Variants in ADAMTS16 observed in about 807,000 individuals in gnomAD.
ADAMTS16 encodes A disintegrin and metalloproteinase with thrombospondin motifs 16.
Under a neutral mutation model 145.8 loss-of-function variants are expected in ADAMTS16, and 94 were observed. The ratio of observed to expected loss-of-function variants is 0.64; its 90% CI spans 0.55 to 0.77. The LOEUF (loss-of-function observed/expected upper bound fraction) is 0.77, where lower values mean the gene tolerates loss of function less well. Among genes scored for constraint, ADAMTS16 ranks in the 30% least tolerant of loss-of-function variants. The pLI is 0.00. For missense variants in ADAMTS16, 1,585 were observed against 1,591.5 expected, an observed-to-expected ratio of 1.00 and a Z score of 0.07; for synonymous variants, 659 against 604.3, an observed-to-expected ratio of 1.09 and a Z score of -1.33.
At chr5:5,194,743 G>A (rs1735754540) in intron 8 of ADAMTS16, among the ~76,000 whole-genome samples, 1 of 152,124 alleles carries the variant, frequency 6.6e-6, no homozygotes, top group Admixed American at 6.5e-5. Context: ...TTGATGCATG[G>A]AGCAAACATC....
intron 18 of ADAMTS16, among the ~76,000 whole-genome samples, chr5:5,273,511 G>T (rs1311723021): frequency 6.6e-6 from 1 of 152,206 alleles, no homozygotes; most frequent in Admixed American, 6.5e-5. Context: ...GTGAAAACCT[G>T]TCTCAATAAA....
At chr5:5,229,304 CAA>C (rs1195176050) in intron 11 of ADAMTS16, among the ~76,000 whole-genome samples, 6 of 75,514 alleles carry the variant, frequency 7.9e-5, no homozygotes, top group South Asian at 5.2e-4. Flanking sequence ...GACTCCGTCT[CAA>C]AAAAAAAAAA....
At chr5:5,316,322 C>T (rs766919542) in intron 21 of ADAMTS16, among the ~76,000 whole-genome samples, 1 of 152,136 alleles carries the variant, frequency 6.6e-6, no homozygotes, top group Non-Finnish European at 1.5e-5. Context: ...GTTTTTTTCA[C>T]CCACCATGCA....
At chr5:5,287,470 C>T (rs1739144897) in intron 18 of ADAMTS16, among the ~76,000 whole-genome samples, 1 of 152,184 alleles carries the variant, frequency 6.6e-6, no homozygotes, top group Admixed American at 6.5e-5. Flanking sequence ...TCATATGCCT[C>T]ATCATTCAGT....
chr5:5,283,953 G>A, intron 18 of ADAMTS16, among the ~76,000 whole-genome samples: 1 of 152,146 alleles, frequency 6.6e-6, no homozygotes, highest in East Asian at 1.9e-4. Flanking sequence ...CATAAGATTG[G>A]TCTATGATAT....
chr5:5,182,403 G>A, intron 4 of ADAMTS16, 98 bp downstream of exon 4: 1 of 1,471,708 alleles, frequency 6.8e-7, no homozygotes, highest in Non-Finnish European at 9.1e-7. Context: ...TCTGCCCACG[G>A]GGTGAAATCT....
intron 3 of ADAMTS16, among the ~76,000 whole-genome samples, chr5:5,180,628 A>G (rs1274837604): frequency 6.6e-6 from 1 of 152,082 alleles, no homozygotes; most frequent in Admixed American, 6.5e-5. Flanking sequence ...TAGATACACA[A>G]TTTTTAAAAT....
intron 18 of ADAMTS16, among the ~76,000 whole-genome samples, chr5:5,289,082 C>G (rs1739206741): frequency 6.6e-6 from 1 of 152,188 alleles, no homozygotes; most frequent in South Asian, 2.1e-4. Context: ...AGCTGGGCTT[C>G]CTGGGTGTAA....
intron 7 of ADAMTS16, among the ~76,000 whole-genome samples, chr5:5,190,918 T>C (rs1163584762): frequency 6.6e-6 from 1 of 152,092 alleles, no homozygotes; most frequent in Non-Finnish European, 1.5e-5. Flanking sequence ...AAATTGTGTG[T>C]ACAAACAGTG....
intron 2 of ADAMTS16, 66 bp downstream of exon 2, chr5:5,140,832 G>A (rs1734144297): frequency 7.1e-7 from 1 of 1,406,184 alleles, no homozygotes; most frequent in African/African-American, 1.5e-5. Flanking sequence ...CGTGCCGCTG[G>A]TTTATTAGGT....
chr5:5,168,111 A>T (rs1734931228), intron 3 of ADAMTS16, among the ~76,000 whole-genome samples: 1 of 152,190 alleles, frequency 6.6e-6, no homozygotes, highest in Non-Finnish European at 1.5e-5. Flanking sequence ...CAAATGCAAC[A>T]ACAAATTCAC....
intron 4 of ADAMTS16, among the ~76,000 whole-genome samples, chr5:5,185,308 G>C (rs1735467249): frequency 6.6e-6 from 1 of 152,100 alleles, no homozygotes; most frequent in Admixed American, 6.5e-5. Flanking sequence ...TAAATATCTG[G>C]GCTTTTTGAA....
At chr5:5,163,565 G>A (rs985421262) in intron 3 of ADAMTS16, among the ~76,000 whole-genome samples, 1 of 152,204 alleles carries the variant, frequency 6.6e-6, no homozygotes, top group African/African-American at 2.4e-5. Flanking sequence ...CATGTGTAAG[G>A]GAAGTCATGT....
At chr5:5,295,567 C>T (rs531443397) in intron 18 of ADAMTS16, among the ~76,000 whole-genome samples, 61 of 152,314 alleles carry the variant, frequency 4.0e-4, no homozygotes, top group African/African-American at 1.1e-3. Flanking sequence ...ATGGTGTGGG[C>T]GGCTGCCAAT....
chr5:5,266,027 T>TGTGTGA (rs1451688951), intron 18 of ADAMTS16, among the ~76,000 whole-genome samples: 1 of 142,398 alleles, frequency 7.0e-6, no homozygotes, highest in African/African-American at 2.6e-5. Context: ...TGTGTGTGTG[T>TGTGTGA]GACTTTCACA....
chr5:5,313,091 C>T (rs1740522965), intron 21 of ADAMTS16, among the ~76,000 whole-genome samples: 1 of 152,222 alleles, frequency 6.6e-6, no homozygotes, highest in South Asian at 2.1e-4. Context: ...GTCTGAGATA[C>T]TCAATCTGTT....
chr5:5,207,724 T>A (rs548051322), intron 9 of ADAMTS16, among the ~76,000 whole-genome samples: 63 of 151,624 alleles, frequency 4.2e-4, no homozygotes, highest in Admixed American at 3.6e-3. Flanking sequence ...TTTTTTTTTT[T>A]ATCATGAATG....
rs77812048 is a variant in ADAMTS16 at position 5,242,115 on chromosome 5, C to G, written c.2586C>G (p.Thr862=). ...AATACTCCATGCCTCGCTTGGGGAC[C>G]GAGAAGCAGCCCCCTGCCCAGCCCA... ...AWEYSMPRLG[T]EKQPPAQPSY... is the part of the protein sequence containing the mutation. The change falls in exon 17 of 23, where the codon ACC becomes ACG. Residue 862 remains threonine, a synonymous_variant. Coordinates refer to ENST00000274181, the MANE Select transcript of ADAMTS16 (RefSeq NM_139056.4). The G allele has an allele frequency of 6.2e-7, 1 of 1,614,132 alleles. No individual in the cohort carries two copies. Among genetic ancestry groups the G allele is most frequent in the Non-Finnish European group, 8.5e-7 (1 of 1,180,038 alleles).
At chr5:5,196,737 G>T (rs1387223840) in intron 8 of ADAMTS16, among the ~76,000 whole-genome samples, 2 of 152,200 alleles carry the variant, frequency 1.3e-5, no homozygotes, top group South Asian at 2.1e-4. Flanking sequence ...TCCTGGAAGG[G>T]AATAGAAGTT....
Sources: gnomAD v4.1 joint callset for allele counts (sites outside exome capture counted in the v4.1 genomes callset) on GRCh38, gnomAD v4.1.1 for gene constraint, MANE v1.5 for transcripts, NCBI Gene and HGNC (gene_info 2026-07-23, HGNC 2026-07-21) for gene names.